The following MAST4 variants were observed in gnomAD, a reference collection of about 807,000 sequenced individuals.
MAST4 encodes microtubule associated serine/threonine kinase family member 4.
MAST4 carries 89 observed loss-of-function variants against 162.7 expected under a neutral mutation model. That is an observed-to-expected ratio of 0.55 (90% CI 0.46 to 0.65). The LOEUF is 0.65. MAST4 is among the 30% of genes least tolerant of loss of function. MAST4 has a pLI of 0.00. For synonymous variants in MAST4, 1,479 were observed against 1,361.1 expected (o/e 1.09, Z -1.91); for missense variants, 3,153 against 3,374.0 (o/e 0.93, Z 1.62).
At chr5:67,093,197 G>A (rs13169505) in intron 6 of MAST4, among the ~76,000 whole-genome samples, 28,831 of 151,858 alleles carry the variant, frequency 0.19, 2,771 homozygotes, top group Middle Eastern at 0.26. Context: ...TTTGTGTCCC[G>A]TGTTCCCATC....
chr5:66,856,552 T>A (rs1759696431), intron 3 of MAST4, among the ~76,000 whole-genome samples: 1 of 152,234 alleles, frequency 6.6e-6, no homozygotes. Flanking sequence ...AGTTATTAAT[T>A]GCCCTCACAT....
intron 1 of MAST4, among the ~76,000 whole-genome samples, chr5:66,631,281 G>A (rs1339868154): frequency 6.6e-6 from 1 of 152,118 alleles, no homozygotes; most frequent in Non-Finnish European, 1.5e-5. Context: ...CTTTACCTGT[G>A]TCCTAGAAAG....
chr5:66,621,940 G>C, intron 1 of MAST4, among the ~76,000 whole-genome samples: 1 of 152,124 alleles, frequency 6.6e-6, no homozygotes, highest in Non-Finnish European at 1.5e-5. Context: ...TGCCACTGTA[G>C]TGTGAGAGCA....
At chr5:66,778,096 G>C (rs191305766) in intron 2 of MAST4, among the ~76,000 whole-genome samples, 1 of 152,110 alleles carries the variant, frequency 6.6e-6, no homozygotes, top group East Asian at 1.9e-4. Context: ...CACTTCTCTG[G>C]GTGCCGTCAC....
At chr5:67,002,881 A>G (rs1472442399) in intron 4 of MAST4, among the ~76,000 whole-genome samples, 2 of 151,008 alleles carry the variant, frequency 1.3e-5, no homozygotes, top group African/African-American at 4.9e-5. Flanking sequence ...GTGGTTCCCA[A>G]CCAGGGGTGA....
At chr5:67,134,778 A>G in intron 18 of MAST4, 90 bp downstream of exon 18, 1 of 1,051,966 alleles carries the variant, frequency 9.5e-7, no homozygotes, top group Non-Finnish European at 1.4e-6. Flanking sequence ...TTACTACTAA[A>G]ATGTTAACCT....
intron 1 of MAST4, among the ~76,000 whole-genome samples, chr5:66,733,717 C>G (rs1339289168): frequency 1.3e-5 from 2 of 152,128 alleles, no homozygotes. Flanking sequence ...CCTCGGCCTC[C>G]CAAAGTGCTG....
intron 1 of MAST4, among the ~76,000 whole-genome samples, chr5:66,722,336 G>C (rs1158294231): frequency 6.6e-6 from 1 of 151,970 alleles, no homozygotes; most frequent in Non-Finnish European, 1.5e-5. Flanking sequence ...ACCCTATGTA[G>C]GGGCTAATTC....
rs1015114688 is a variant in MAST4, at chr5:66,815,935, C to T, written c.642+27141C>T. On this transcript the variant is annotated intron_variant, in intron 3 of 28. Coordinates refer to ENST00000403625, the MANE Select transcript of MAST4 (RefSeq NM_001164664.2). ...AGGGTTCAGGTGGCATTAGAGAAACCTCAAGGAGGAAAAGGAGGAGGAACC... is the reference window on the plus strand; with the variant it reads ...AGGGTTCAGGTGGCATTAGAGAAACTTCAAGGAGGAAAAGGAGGAGGAACC... Among the ~76,000 whole-genome samples the T allele has an allele frequency of 5.3e-5, 8 of 152,040 alleles. No individual in the cohort carries two copies. In the East Asian group the frequency reaches 1.5e-3, roughly 29 times the overall value.
chr5:66,964,545 T>C (rs1746432733), intron 4 of MAST4, among the ~76,000 whole-genome samples: 2 of 152,036 alleles, frequency 1.3e-5, no homozygotes, highest in South Asian at 4.1e-4. Context: ...CTCATGCCTG[T>C]AATCCCAGCA....
intron 3 of MAST4, among the ~76,000 whole-genome samples, chr5:66,872,217 T>G (rs1760987274): frequency 6.6e-6 from 1 of 152,210 alleles, no homozygotes; most frequent in Non-Finnish European, 1.5e-5. Flanking sequence ...TCACCCAGGC[T>G]GGAGTGCAGT....
At chr5:67,158,909 C>T (rs1375903076) in intron 26 of MAST4, among the ~76,000 whole-genome samples, 1 of 152,150 alleles carries the variant, frequency 6.6e-6, no homozygotes, top group Non-Finnish European at 1.5e-5. Context: ...TTGCACATGC[C>T]TGTAATCCCA....
chr5:67,160,486 C>G lies in MAST4; in HGVS notation c.3679C>G (p.Pro1227Ala), dbSNP rs779238617. Reference protein sequence around the residue: ...SGNKVSITTTPFENTSIKTGP... With the variant: ...SGNKVSITTTAFENTSIKTGP... ...GAATAAGGTGTCAATCACTACTACC[C>G]CATTTGAAAACACATCAATCAAAAC... Residue 1227 changes from proline to alanine, a missense_variant, in exon 27 of 29, where the codon CCA becomes GCA. Around this residue, in one of 7 missense-constraint regions of MAST4, gnomAD observed 619 missense variants for 744.2 expected, o/e 0.83. Transcript: ENST00000403625. 6.2e-7 allele frequency: 1 copy of G among 1,613,832 alleles called. No homozygotes were observed. The highest frequency in any genetic ancestry group is 8.5e-7 in the Non-Finnish European group (1 of 1,179,816).
chr5:66,834,194 G>A (rs1226477607), intron 3 of MAST4, among the ~76,000 whole-genome samples: 2 of 152,154 alleles, frequency 1.3e-5, no homozygotes, highest in Non-Finnish European at 2.9e-5. Context: ...TTGTAAAAAG[G>A]ATGAGCAGGA....
At chr5:66,967,276 A>G (rs560937364) in intron 4 of MAST4, among the ~76,000 whole-genome samples, 24 of 152,174 alleles carry the variant, frequency 1.6e-4, no homozygotes, top group Non-Finnish European at 2.8e-4. Flanking sequence ...TTTTCATAGT[A>G]AAACCCTGGA....
At chr5:67,095,573 A>C in intron 6 of MAST4, 24 bp from the exon 7 acceptor site, 1 of 1,590,524 alleles carries the variant, frequency 6.3e-7, no homozygotes, top group Non-Finnish European at 8.6e-7. Context: ...GTGTTGGCCT[A>C]AGCTAAACTC....
chr5:66,698,252 G>A (rs1273072362), intron 1 of MAST4, among the ~76,000 whole-genome samples: 4 of 151,966 alleles, frequency 2.6e-5, no homozygotes, highest in African/African-American at 9.7e-5. Context: ...GGAGACAGCT[G>A]AGTAATCAAT....
chr5:67,152,775 A>G lies in MAST4; in HGVS notation c.3434A>G (p.His1145Arg). 6.2e-7 allele frequency: 1 copy of G among 1,614,062 alleles called. No homozygotes were observed. Among genetic ancestry groups the G allele is most frequent in the Non-Finnish European group, 8.5e-7 (1 of 1,179,902 alleles). ...SASPHQPIVI[H>R]SSGKNYGFTI... ...AGTCCACATCAGCCGATTGTGATCC[A>G]CAGTTCGGGGAAGAACTACGGCTTT... Residue 1145 changes from histidine to arginine, a missense_variant, in exon 25 of 29, where the codon CAC becomes CGC. His to Arg is a conservative substitution (Grantham distance 29, BLOSUM62 0). Around this residue, in one of 7 missense-constraint regions of MAST4, gnomAD observed 619 missense variants for 744.2 expected, o/e 0.83. Transcript: ENST00000403625.
At chr5:66,609,146 T>C (rs1272656751) in intron 1 of MAST4, among the ~76,000 whole-genome samples, 1 of 151,764 alleles carries the variant, frequency 6.6e-6, no homozygotes, top group Non-Finnish European at 1.5e-5. Context: ...TTTTTCCTGC[T>C]GCCTGGGATG....
Sources: gnomAD v4.1 joint callset for allele counts (sites outside exome capture counted in the v4.1 genomes callset) on GRCh38, gnomAD v4.1.1 for gene constraint, gnomAD v4.1.1 regional missense constraint, MANE v1.5 for transcripts, NCBI Gene and HGNC (gene_info 2026-07-23, HGNC 2026-07-21) for gene names.